Variants in L3MBTL4 observed in about 807,000 individuals in gnomAD.
L3MBTL4 encodes the protein L3MBTL histone methyl-lysine binding protein 4, also known as lethal(3)malignant brain tumor-like protein 4.
Under a neutral mutation model 84.5 loss-of-function variants are expected in L3MBTL4, and 70 were observed. The observed-to-expected ratio is 0.83, with a 90% CI of 0.68 to 1.01. The LOEUF is 1.01. L3MBTL4 is among the 50% of genes least tolerant of loss of function. The probability of loss-of-function intolerance (pLI) is 0.00; values close to 1 mark genes in which losing one functional copy is unlikely to be tolerated. For synonymous variants in L3MBTL4, 274 were observed against 259.8 expected (o/e 1.05, Z -0.52); for missense variants, 715 against 754.8 (o/e 0.95, Z 0.62).
chr18:6,006,814 G>T (rs2054509155), intron 16 of L3MBTL4, among the ~76,000 whole-genome samples: 1 of 152,182 alleles, frequency 6.6e-6, no homozygotes. Flanking sequence ...TGGAAATTTA[G>T]TACATGCTAA....
At chr18:6,261,794 GAGA>G (rs2048412820) in intron 5 of L3MBTL4, among the ~76,000 whole-genome samples, 1 of 152,200 alleles carries the variant, frequency 6.6e-6, no homozygotes, top group Non-Finnish European at 1.5e-5. Context: ...AAGGATCTCA[GAGA>G]AGAAGCTCTA....
chr18:6,394,779 T>C (rs1020257121), intron 1 of L3MBTL4: 1 of 152,030 alleles, frequency 6.6e-6, no homozygotes, highest in African/African-American at 2.4e-5. Flanking sequence ...AAAAGAGAGA[T>C]CCCACCTCAC....
chr18:5,963,454 G>A (rs77152522), intron 17 of L3MBTL4, among the ~76,000 whole-genome samples: 10,859 of 152,200 alleles, frequency 0.071, 457 homozygotes, highest in South Asian at 0.085. Context: ...GCCCCGTGGT[G>A]GCCTCCACCT....
At chr18:6,271,506 A>G (rs2048867423) in intron 4 of L3MBTL4, among the ~76,000 whole-genome samples, 1 of 152,232 alleles carries the variant, frequency 6.6e-6, no homozygotes, top group Non-Finnish European at 1.5e-5. Flanking sequence ...GGCAGGGCCG[A>G]AAAGGTGGAG....
intron 14 of L3MBTL4, among the ~76,000 whole-genome samples, chr18:6,126,815 A>T (rs2144433022): frequency 6.6e-6 from 1 of 152,346 alleles, no homozygotes; most frequent in South Asian, 2.1e-4. Flanking sequence ...TCACTTTGAG[A>T]ATTAAAAGGT....
rs763442508 is a variant in L3MBTL4, at chr18:6,237,991, TCTC to T, written c.754_756del (p.Glu252del). On this transcript the variant is annotated inframe_deletion, in exon 10 of 19. Coordinates refer to ENST00000317931, the MANE Select transcript of L3MBTL4 (RefSeq NM_001330559.2). ...TGGGGTGCTATCAGAGTTCTTCCAT[TCTC>T]CTGACACCAACCAACTGGCTGGACA... is the stretch of plus-strand genomic sequence containing the variant. The T allele has an allele frequency of 1.2e-6, 2 of 1,614,082 alleles. No homozygotes were observed. Among genetic ancestry groups the T allele is most frequent in the Admixed American group, 3.3e-5 (2 of 60,012 alleles).
chr18:5,975,701 A>G (rs984954331), intron 16 of L3MBTL4, among the ~76,000 whole-genome samples: 28 of 152,246 alleles, frequency 1.8e-4, no homozygotes, highest in African/African-American at 6.8e-4. Flanking sequence ...AAACAAAAGT[A>G]AAAAGCAGAA....
intron 10 of L3MBTL4, among the ~76,000 whole-genome samples, chr18:6,228,938 G>C (rs1480203120): frequency 1.3e-5 from 2 of 152,114 alleles, no homozygotes; most frequent in Admixed American, 1.3e-4. Flanking sequence ...GAGAATGTGA[G>C]AGTGACTTAA....
chr18:6,035,261 C>T (rs2056069637), intron 16 of L3MBTL4, among the ~76,000 whole-genome samples: 1 of 152,036 alleles, frequency 6.6e-6, no homozygotes, highest in Non-Finnish European at 1.5e-5. Context: ...AGGTTTTCTT[C>T]TAGGGTTTTT....
At chr18:6,359,550 A>T (rs1194711351) in intron 1 of L3MBTL4, among the ~76,000 whole-genome samples, 1 of 152,120 alleles carries the variant, frequency 6.6e-6, no homozygotes, top group Non-Finnish European at 1.5e-5. Flanking sequence ...ATTTCAGCAC[A>T]GATAACTCTT....
At chr18:6,199,424 G>A (rs1447452519) in intron 12 of L3MBTL4, among the ~76,000 whole-genome samples, 1 of 152,212 alleles carries the variant, frequency 6.6e-6, no homozygotes, top group Non-Finnish European at 1.5e-5. Flanking sequence ...TGCAGCGAGT[G>A]GCCAATGTAC....
intron 1 of L3MBTL4, among the ~76,000 whole-genome samples, chr18:6,348,297 A>G (rs568767345): frequency 1.3e-5 from 2 of 152,200 alleles, no homozygotes; most frequent in East Asian, 3.9e-4. Flanking sequence ...TAACAGTTAT[A>G]TGGAAATACA....
chr18:6,276,940 A>C (rs1233088976), intron 4 of L3MBTL4, among the ~76,000 whole-genome samples: 1 of 152,166 alleles, frequency 6.6e-6, no homozygotes, highest in Non-Finnish European at 1.5e-5. Context: ...ACATCCAATG[A>C]AAACATCCTT....
rs750843763 is a variant in L3MBTL4 at position 6,264,027 on chromosome 18, C to T, written c.139G>A (p.Ala47Thr). 8 of 1,611,236 alleles carry T rather than the reference C, an allele frequency of 5.0e-6. No homozygotes were observed. The Admixed American group carries it at 5.0e-5, about 10-fold the overall frequency. The change falls in exon 5 of 19, where the codon GCT becomes ACT. Residue 47 changes from alanine (A) to threonine (T), a missense_variant. Transcript: ENST00000317931. ...TCCCAAGACCATGCTCCCTGTGCAG[C>T]CGCTGAAGGGACTGGAAGAGAAAAC... ...TTPLSHVPSA[A>T]AQGAWSWEWY... is the part of the protein sequence containing the mutation.
chr18:6,037,729 G>T (rs974417120), intron 16 of L3MBTL4, among the ~76,000 whole-genome samples: 5 of 152,192 alleles, frequency 3.3e-5, no homozygotes, highest in African/African-American at 1.2e-4. Context: ...CAACATAACT[G>T]CAACCAACTG....
chr18:6,391,204 C>T (rs1241569978), intron 1 of L3MBTL4, among the ~76,000 whole-genome samples: 3 of 152,098 alleles, frequency 2.0e-5, no homozygotes, highest in African/African-American at 4.8e-5. Context: ...AAATGTGACA[C>T]ATCACACAAA....
intron 3 of L3MBTL4, among the ~76,000 whole-genome samples, chr18:6,309,537 A>G (rs2050735916): frequency 6.6e-6 from 1 of 152,236 alleles, no homozygotes; most frequent in African/African-American, 2.4e-5. Flanking sequence ...CATTTAACAG[A>G]TATTTTTGAA....
At chr18:6,338,978 A>T (rs1439913624) in intron 1 of L3MBTL4, among the ~76,000 whole-genome samples, 1 of 152,198 alleles carries the variant, frequency 6.6e-6, no homozygotes, top group Admixed American at 6.5e-5. Context: ...ATTACTGTGT[A>T]CTCATTAACA....
intron 16 of L3MBTL4, among the ~76,000 whole-genome samples, chr18:6,025,595 A>G (rs889593738): frequency 6.6e-6 from 1 of 152,150 alleles, no homozygotes; most frequent in Non-Finnish European, 1.5e-5. Flanking sequence ...GCTGCTCTAT[A>G]TTCTAAAACA....
Sources: gnomAD v4.1 joint callset for allele counts (sites outside exome capture counted in the v4.1 genomes callset) on GRCh38, gnomAD v4.1.1 for gene constraint, MANE v1.5 for transcripts, NCBI Gene and HGNC (gene_info 2026-07-23, HGNC 2026-07-21) for gene names.